The following RASGRF2 variants were observed in gnomAD, a reference collection of about 807,000 sequenced individuals.
RASGRF2 encodes ras-specific guanine nucleotide-releasing factor 2.
RASGRF2 carries 76 observed loss-of-function variants against 151.0 expected under a neutral mutation model. The ratio of observed to expected loss-of-function variants is 0.50; its 90% CI spans 0.42 to 0.61. RASGRF2 has a LOEUF of 0.61. RASGRF2 is among the 20% of genes least tolerant of loss of function. The pLI, the probability that RASGRF2 is intolerant of heterozygous loss-of-function variation, is 0.00. For synonymous variants in RASGRF2, 504 were observed against 566.5 expected, an observed-to-expected ratio of 0.89 and a Z score of 1.57; for missense variants, 1,148 against 1,564.6, an observed-to-expected ratio of 0.73 and a Z score of 4.49.
In RASGRF2 at chr5:81,208,439, G is replaced by A. The variant is rs1045674743; in HGVS notation, c.3156+1G>A. 1.3e-6 allele frequency: 2 copies of A among 1,594,348 alleles called. No individual in the cohort carries two copies. The highest frequency in any genetic ancestry group is 1.7e-6 in the Non-Finnish European group (2 of 1,167,576). On this transcript the variant is annotated splice_donor_variant, in intron 22 of 26. Coordinates refer to ENST00000265080, the MANE Select transcript of RASGRF2 (RefSeq NM_006909.3). LOFTEE classifies it high-confidence loss of function. Reference sequence around the variant, plus strand: ...GAAAACCAGCCAACACTTCAATGACGTGAGTAACCGTAACAGTAAAACCGT... The same window carrying A: ...GAAAACCAGCCAACACTTCAATGACATGAGTAACCGTAACAGTAAAACCGT...
At chr5:81,072,028 G>A (rs1014761855) in intron 4 of RASGRF2, among the ~76,000 whole-genome samples, 1 of 151,836 alleles carries the variant, frequency 6.6e-6, no homozygotes, top group African/African-American at 2.4e-5. Flanking sequence ...ACCAATTTTT[G>A]TACTTGTTAA....
At chr5:80,976,268 A>C (rs939997230) in intron 1 of RASGRF2, among the ~76,000 whole-genome samples, 2 of 152,228 alleles carry the variant, frequency 1.3e-5, no homozygotes, top group Non-Finnish European at 2.9e-5. Context: ...ACACTGAGGC[A>C]TGCACTTTCC....
intron 1 of RASGRF2, among the ~76,000 whole-genome samples, chr5:80,969,293 G>A (rs1747827110): frequency 1.3e-5 from 2 of 151,354 alleles, no homozygotes; most frequent in South Asian, 4.2e-4. Context: ...ACCACACCCG[G>A]CTAACTTTTG....
At chr5:81,131,885 AC>A (rs1431072142) in intron 17 of RASGRF2, among the ~76,000 whole-genome samples, 1 of 152,082 alleles carries the variant, frequency 6.6e-6, no homozygotes, top group Non-Finnish European at 1.5e-5. Flanking sequence ...TTTTATGTAG[AC>A]CCATAGGTGA....
At chr5:81,111,491 A>C (rs540858734) in intron 13 of RASGRF2, among the ~76,000 whole-genome samples, 92 of 152,340 alleles carry the variant, frequency 6.0e-4, no homozygotes, top group Non-Finnish European at 1.2e-3. Flanking sequence ...CTTTTTTTTA[A>C]GTGAAGACAT....
intron 1 of RASGRF2, among the ~76,000 whole-genome samples, chr5:80,984,194 G>C (rs184299075): frequency 2.6e-4 from 39 of 152,274 alleles, no homozygotes; most frequent in African/African-American, 8.7e-4. Flanking sequence ...CCGAGTAGCT[G>C]GGATTACAGG....
chr5:81,173,440 T>C (rs1461090564), intron 17 of RASGRF2, among the ~76,000 whole-genome samples: 1 of 152,138 alleles, frequency 6.6e-6, no homozygotes, highest in Non-Finnish European at 1.5e-5. Context: ...TACCAGCAGA[T>C]TACTACACCA....
At chr5:81,115,816 C>T (rs766480166) in intron 15 of RASGRF2, among the ~76,000 whole-genome samples, 83 of 152,232 alleles carry the variant, frequency 5.5e-4, no homozygotes, top group Admixed American at 3.5e-3. Flanking sequence ...AGCACCTTCA[C>T]TGTCATACTC....
chr5:81,099,672 A>G (rs1752642093), intron 12 of RASGRF2, among the ~76,000 whole-genome samples: 1 of 152,002 alleles, frequency 6.6e-6, no homozygotes, highest in Non-Finnish European at 1.5e-5. Flanking sequence ...CATTTATCAC[A>G]TTTTTCTATT....
intron 18 of RASGRF2, among the ~76,000 whole-genome samples, chr5:81,195,315 C>A (rs1302581365): frequency 1.3e-5 from 2 of 152,124 alleles, no homozygotes; most frequent in African/African-American, 4.8e-5. Flanking sequence ...GAAATGTAGC[C>A]AATAATTACA....
intron 1 of RASGRF2, among the ~76,000 whole-genome samples, chr5:81,009,567 T>C (rs1025816224): frequency 3.3e-5 from 5 of 152,212 alleles, no homozygotes; most frequent in African/African-American, 1.2e-4. Context: ...ATGTCTTTCA[T>C]CTGTTCTTGA....
At chr5:81,013,042 C>T (rs1195429731) in intron 1 of RASGRF2, among the ~76,000 whole-genome samples, 1 of 152,084 alleles carries the variant, frequency 6.6e-6, no homozygotes, top group African/African-American at 2.4e-5. Context: ...GAGCAGGCCC[C>T]AAATACGGTA....
At chr5:81,092,500 T>C (rs113457819) in intron 9 of RASGRF2, among the ~76,000 whole-genome samples, 6 of 152,348 alleles carry the variant, frequency 3.9e-5, no homozygotes, top group African/African-American at 1.4e-4. Context: ...TAAGGACAGA[T>C]GGCAGAAGTG....
At chr5:81,035,257 A>G (rs570194846) in intron 1 of RASGRF2, among the ~76,000 whole-genome samples, 8 of 152,316 alleles carry the variant, frequency 5.3e-5, no homozygotes, top group African/African-American at 1.9e-4. Context: ...TGTGGCACAT[A>G]TATACCATGG....
chr5:81,008,260 C>T (rs1308526657), intron 1 of RASGRF2, among the ~76,000 whole-genome samples: 1 of 146,826 alleles, frequency 6.8e-6, no homozygotes, highest in Non-Finnish European at 1.5e-5. Context: ...AAGCAATTCT[C>T]CTGCCTCAGC....
intron 7 of RASGRF2, among the ~76,000 whole-genome samples, chr5:81,084,743 A>G (rs1038947443): frequency 1.3e-5 from 2 of 152,240 alleles, no homozygotes; most frequent in Non-Finnish European, 2.9e-5. Flanking sequence ...GAAACTGCAC[A>G]CAGGGTCCTG....
At chr5:81,049,161 T>C (rs1580252024) in intron 2 of RASGRF2, among the ~76,000 whole-genome samples, 2 of 116,846 alleles carry the variant, frequency 1.7e-5, no homozygotes, top group Non-Finnish European at 3.5e-5. Flanking sequence ...GCAAGTTCCC[T>C]AAAAAAAAAA....
At chr5:81,043,236 C>T (rs1175598243) in intron 2 of RASGRF2, among the ~76,000 whole-genome samples, 1 of 152,110 alleles carries the variant, frequency 6.6e-6, no homozygotes, top group Admixed American at 6.5e-5. Flanking sequence ...TCCTATGTGC[C>T]AAGCACTATT....
At chr5:81,002,345 C>T (rs188576708) in intron 1 of RASGRF2, among the ~76,000 whole-genome samples, 3 of 152,066 alleles carry the variant, frequency 2.0e-5, no homozygotes, top group East Asian at 1.9e-4. Flanking sequence ...TTGTTTTGAT[C>T]GAAGTATTTA....
Sources: gnomAD v4.1 joint callset for allele counts (sites outside exome capture counted in the v4.1 genomes callset) on GRCh38, gnomAD v4.1.1 for gene constraint, MANE v1.5 for transcripts, NCBI Gene and HGNC (gene_info 2026-07-23, HGNC 2026-07-21) for gene names.